The following RAB2A variants were observed in gnomAD, a reference collection of about 807,000 sequenced individuals.
RAB2A encodes ras-related protein Rab-2A.
RAB2A carries 7 observed loss-of-function variants against 32.5 expected under a neutral mutation model. The ratio of observed to expected loss-of-function variants is 0.22; its 90% CI spans 0.12 to 0.40. The LOEUF is 0.40. RAB2A is among the 10% of genes least tolerant of loss of function. RAB2A has a pLI of 1.00. For missense variants in RAB2A, 108 were observed against 260.7 expected (o/e 0.41, Z 4.03); for synonymous variants, 79 against 85.2 (o/e 0.93, Z 0.40).
chr8:60,583,647 A>G lies in RAB2A; in HGVS notation c.187-561A>G, dbSNP rs139553248. Among the ~76,000 whole-genome samples the G allele has an allele frequency of 2.7e-3, 408 of 152,334 alleles. 4 individuals are homozygous for G. The highest frequency in any genetic ancestry group is 9.1e-3 in the African/African-American group (377 of 41,570). On this transcript the variant is annotated intron_variant, in intron 3 of 7. Transcript: ENST00000262646. ...AAGAATTCCATTTGATGACTGTTGAAAGCTCACTGCAGTTTATGATATAAC... is the reference window on the plus strand; with the variant it reads ...AAGAATTCCATTTGATGACTGTTGAGAGCTCACTGCAGTTTATGATATAAC...
chr8:60,567,761 AT>A (rs1808137444), intron 2 of RAB2A, among the ~76,000 whole-genome samples: 1 of 149,254 alleles, frequency 6.7e-6, no homozygotes, highest in South Asian at 2.1e-4. Flanking sequence ...TTGTAAGTAA[AT>A]TTTTTTCATC....
intron 1 of RAB2A, chr8:60,552,985 A>C (rs1048672154): frequency 2.0e-5 from 3 of 152,200 alleles, no homozygotes; most frequent in African/African-American, 7.2e-5. Flanking sequence ...ACAATTAATA[A>C]AAATAATAGC....
chr8:60,555,513 TAAAA>T (rs200750893), intron 1 of RAB2A, among the ~76,000 whole-genome samples: 2 of 147,120 alleles, frequency 1.4e-5, no homozygotes, highest in Admixed American at 1.4e-4. Context: ...AACTCAACAA[TAAAA>T]AAAAAATCTG....
At chr8:60,597,639 C>G (rs1398934664) in intron 6 of RAB2A, among the ~76,000 whole-genome samples, 1 of 151,646 alleles carries the variant, frequency 6.6e-6, no homozygotes, top group African/African-American at 2.4e-5. Context: ...ACTTCAAGAA[C>G]CCAAAGCAAA....
At chr8:60,610,209 T>A (rs1406588119) in intron 6 of RAB2A, among the ~76,000 whole-genome samples, 1 of 152,034 alleles carries the variant, frequency 6.6e-6, no homozygotes, top group Non-Finnish European at 1.5e-5. Flanking sequence ...TACAACCAGC[T>A]AACCCTAAGA....
At position 60,524,869 on chromosome 8, in the gene RAB2A, G is replaced by A. The variant is rs899914996; in HGVS notation, c.46+7616G>A. On this transcript the variant is annotated intron_variant, in intron 1 of 7. Transcript: ENST00000262646. Reference sequence around the variant, plus strand: ...TGCTGCCAAGTTTTCTGCTTTGGGGGATTTTATTTAATCCCTAAGGTGTAG... The same window carrying A: ...TGCTGCCAAGTTTTCTGCTTTGGGGAATTTTATTTAATCCCTAAGGTGTAG... Among the ~76,000 whole-genome samples the A allele has an allele frequency of 5.3e-5, 8 of 152,210 alleles. No individual in the cohort carries two copies. The East Asian group carries it at 1.5e-3, about 29-fold the overall frequency.
At chr8:60,612,940 C>A (rs1804379118) in intron 6 of RAB2A, among the ~76,000 whole-genome samples, 1 of 152,184 alleles carries the variant, frequency 6.6e-6, no homozygotes, top group African/African-American at 2.4e-5. Flanking sequence ...TTAAAAGCCA[C>A]TATTGGATGA....
chr8:60,577,113 A>C (rs1803647346), intron 3 of RAB2A, among the ~76,000 whole-genome samples: 1 of 150,084 alleles, frequency 6.7e-6, no homozygotes, highest in South Asian at 2.1e-4. Flanking sequence ...TGGTGTGATC[A>C]CAGCTCACCA....
chr8:60,560,378 C>T (rs1808003389), intron 2 of RAB2A, among the ~76,000 whole-genome samples: 1 of 152,288 alleles, frequency 6.6e-6, no homozygotes, highest in Admixed American at 6.5e-5. Context: ...TGTGAGCCAC[C>T]GCACTGGCCT....
At chr8:60,533,956 C>CT (rs1210363236) in intron 1 of RAB2A, among the ~76,000 whole-genome samples, 1 of 152,062 alleles carries the variant, frequency 6.6e-6, no homozygotes, top group Non-Finnish European at 1.5e-5. Context: ...GAGCAAGACT[C>CT]TGTCTCAAAA....
intron 1 of RAB2A, among the ~76,000 whole-genome samples, chr8:60,545,086 G>T (rs952847803): frequency 1.3e-5 from 2 of 152,138 alleles, no homozygotes; most frequent in Non-Finnish European, 2.9e-5. Flanking sequence ...TTGGCTTGTG[G>T]TTGTAAAAAT....
chr8:60,582,215 G>T (rs977355277), intron 3 of RAB2A, among the ~76,000 whole-genome samples: 4 of 151,828 alleles, frequency 2.6e-5, no homozygotes, highest in East Asian at 3.9e-4. Flanking sequence ...TCCCAAAGTG[G>T]CATGAGCCAT....
intron 1 of RAB2A, among the ~76,000 whole-genome samples, chr8:60,531,010 C>G (rs1426174703): frequency 6.6e-6 from 1 of 152,172 alleles, no homozygotes; most frequent in East Asian, 1.9e-4. Context: ...AGGTATAGTA[C>G]CTGCCTAGTG....
chr8:60,532,708 C>T (rs1401889804), intron 1 of RAB2A, among the ~76,000 whole-genome samples: 1 of 152,174 alleles, frequency 6.6e-6, no homozygotes, highest in Non-Finnish European at 1.5e-5. Flanking sequence ...CAAGGTTTCA[C>T]TTTGTTGCCT....
At chr8:60,597,084 C>G (rs1401075844) in intron 6 of RAB2A, among the ~76,000 whole-genome samples, 1 of 152,178 alleles carries the variant, frequency 6.6e-6, no homozygotes, top group African/African-American at 2.4e-5. Flanking sequence ...ACCCTGCAAT[C>G]CCATTACTGA....
chr8:60,595,599 A>T (rs1315664868), intron 6 of RAB2A, among the ~76,000 whole-genome samples: 1 of 152,248 alleles, frequency 6.6e-6, no homozygotes, highest in Non-Finnish European at 1.5e-5. Flanking sequence ...AGCTATATTA[A>T]TATCACATAA....
chr8:60,623,494 CAAAG>C lies in RAB2A; in HGVS notation c.*2727_*2730del, dbSNP rs1408868521. 3 of 152,090 alleles carry C rather than the reference CAAAG, an allele frequency of 2.0e-5. No homozygotes were observed. The highest frequency in any genetic ancestry group is 2.9e-5 in the Non-Finnish European group (2 of 68,016). The allele number at this position is 152,090 out of a possible 1,614,324, so 9.4% of individuals were successfully genotyped here. On this transcript the variant is annotated 3_prime_UTR_variant, in exon 8 of 8. Transcript: ENST00000262646. ...TTGACTATATGAGCTAAAAGATACA[CAAAG>C]AGATAACGCTGTTTCATAATAAACA...
At chr8:60,558,451 ATTTG>A in intron 1 of RAB2A, 1 of 514,166 alleles carries the variant, frequency 1.9e-6, no homozygotes, top group Non-Finnish European at 3.9e-6. Context: ...TTGCTGGCTT[ATTTG>A]TTTGTTCATA....
intron 3 of RAB2A, among the ~76,000 whole-genome samples, chr8:60,580,583 A>T (rs1308932461): frequency 6.6e-6 from 1 of 152,210 alleles, no homozygotes; most frequent in Non-Finnish European, 1.5e-5. Flanking sequence ...AGATCTTAAG[A>T]TGCATAGCTA....
Sources: allele counts gnomAD v4.1 joint callset (sites outside exome capture counted in the v4.1 genomes callset), GRCh38; gene constraint gnomAD v4.1.1; transcripts MANE v1.5; gene names NCBI Gene and HGNC (gene_info 2026-07-23, HGNC 2026-07-21).